Variants in UBAP1 observed in about 807,000 individuals in gnomAD.
UBAP1 encodes ubiquitin-associated protein 1.
Under a neutral mutation model 39.0 loss-of-function variants are expected in UBAP1, and 5 were observed. That is an observed-to-expected ratio of 0.13 (90% CI 0.07 to 0.27). The LOEUF (loss-of-function observed/expected upper bound fraction) is 0.27, where lower values mean the gene tolerates loss of function less well. Among genes scored for constraint, UBAP1 ranks in the 10% least tolerant of loss-of-function variants. The pLI is 1.00. For synonymous variants in UBAP1, 211 were observed against 225.1 expected, an observed-to-expected ratio of 0.94 and a Z score of 0.56; for missense variants, 490 against 608.1, an observed-to-expected ratio of 0.81 and a Z score of 2.04.
intron 3 of UBAP1, among the ~76,000 whole-genome samples, chr9:34,236,170 C>A (rs1833693403): frequency 6.6e-6 from 1 of 151,974 alleles, no homozygotes; most frequent in South Asian, 2.1e-4. Flanking sequence ...TATTTTTAAT[C>A]TTTTATACCA....
intron 1 of UBAP1, among the ~76,000 whole-genome samples, chr9:34,190,142 A>G (rs896898001): frequency 6.6e-6 from 1 of 152,234 alleles, no homozygotes; most frequent in Non-Finnish European, 1.5e-5. Context: ...AAGTTTACCT[A>G]TGTAACAAAC....
chr9:34,249,818 A>G lies in UBAP1; in HGVS notation c.1123A>G (p.Met375Val), dbSNP rs751901708. The change falls in exon 5 of 7, where the codon ATG becomes GTG. Residue 375 changes from methionine to valine, a missense_variant. Met to Val is a conservative substitution (Grantham distance 21, BLOSUM62 1). Coordinates refer to ENST00000297661, the MANE Select transcript of UBAP1 (RefSeq NM_016525.5). ...PNFSVSQVPN[M>V]PSCPQAYSEL... ...TTTCTCAGTGTCACAAGTGCCCAAC[A>G]TGCCCAGCTGTCCCCAGGCCTATTC... 13 of 1,614,160 alleles carry G rather than the reference A, an allele frequency of 8.1e-6. No individual in the cohort carries two copies. The highest frequency in any genetic ancestry group is 1.6e-4 in the Middle Eastern group (1 of 6,062).
At chr9:34,207,172 C>T in intron 1 of UBAP1, among the ~76,000 whole-genome samples, 1 of 149,696 alleles carries the variant, frequency 6.7e-6, no homozygotes, top group Non-Finnish European at 1.5e-5. Context: ...CTGCCTCAGC[C>T]TCTGGAGTGG....
In UBAP1 at chr9:34,230,872, A is replaced by G. The variant is rs76130052; in HGVS notation, c.35-3344A>G. On this transcript the variant is annotated intron_variant, in intron 2 of 6. Coordinates refer to ENST00000297661, the MANE Select transcript of UBAP1 (RefSeq NM_016525.5). The stretch of plus-strand genomic sequence containing the variant: ...GTCATTTTTGGGCAAATAATTTTCA[A>G]TTTTCATATTAAATATAAGTTGGAA... 3.0e-3 allele frequency among the ~76,000 whole-genome samples: 458 copies of G among 152,100 alleles called. 3 individuals are homozygous for G. The highest frequency in any genetic ancestry group is 5.1e-3 in the Non-Finnish European group (350 of 67,994).
intron 1 of UBAP1, among the ~76,000 whole-genome samples, chr9:34,182,818 C>T (rs1447502894): frequency 6.6e-6 from 1 of 151,946 alleles, no homozygotes; most frequent in Admixed American, 6.6e-5. Context: ...TCACGCCATT[C>T]TCCTGCCTCA....
At chr9:34,218,250 CAAAA>C (rs758443973) in intron 1 of UBAP1, among the ~76,000 whole-genome samples, 2 of 49,518 alleles carry the variant, frequency 4.0e-5, no homozygotes, top group Non-Finnish European at 6.9e-5. Flanking sequence ...GACTCCATCT[CAAAA>C]AAAAAAAAAA....
At chr9:34,237,862 C>G (rs1452859725) in intron 3 of UBAP1, among the ~76,000 whole-genome samples, 2 of 152,178 alleles carry the variant, frequency 1.3e-5, no homozygotes, top group Non-Finnish European at 1.5e-5. Context: ...GCCACCATGC[C>G]CGGCCAAAAT....
chr9:34,192,379 G>C (rs1215987188), intron 1 of UBAP1, among the ~76,000 whole-genome samples: 1 of 151,840 alleles, frequency 6.6e-6, no homozygotes, highest in Non-Finnish European at 1.5e-5. Context: ...GCCGGGTATG[G>C]TGGCGCACGC....
chr9:34,239,185 C>T (rs868587094), intron 3 of UBAP1, among the ~76,000 whole-genome samples: 5 of 152,194 alleles, frequency 3.3e-5, no homozygotes, highest in South Asian at 4.1e-4. Context: ...GCTGGGACTA[C>T]GGCATGTGCC....
In UBAP1 at chr9:34,241,430, C is replaced by T. The variant is rs757122178; in HGVS notation, c.405C>T (p.Val135=). 1 of 1,595,968 alleles carries T rather than the reference C, an allele frequency of 6.3e-7. No homozygotes were observed. Among genetic ancestry groups the T allele is most frequent in the South Asian group, 1.2e-5 (1 of 86,948 alleles). The change falls in exon 4 of 7, where the codon GTC becomes GTT. Residue 135 remains valine (V), a synonymous_variant. Coordinates refer to ENST00000297661, the MANE Select transcript of UBAP1 (RefSeq NM_016525.5). Reference sequence around the variant, plus strand: ...ACAGCATCCTCACACCAACTCGGGTCAGCAGTAGTGCCACGAAACAGAAAG... The same window carrying T: ...ACAGCATCCTCACACCAACTCGGGTTAGCAGTAGTGCCACGAAACAGAAAG... ...QHNSILTPTR[V]SSSATKQKVL...
chr9:34,199,137 G>A (rs1336149866), intron 1 of UBAP1, among the ~76,000 whole-genome samples: 1 of 152,074 alleles, frequency 6.6e-6, no homozygotes, highest in Non-Finnish European at 1.5e-5. Context: ...GCAGTGATGC[G>A]ATTTCGGCTC....
intron 1 of UBAP1, among the ~76,000 whole-genome samples, chr9:34,181,474 C>G (rs1830028604): frequency 6.7e-6 from 1 of 150,108 alleles, no homozygotes; most frequent in Non-Finnish European, 1.5e-5. Flanking sequence ...CCTCTGTCGC[C>G]CAGGCTGGAG....
At chr9:34,240,438 TTGGGG>T (rs1184977875) in intron 3 of UBAP1, among the ~76,000 whole-genome samples, 1 of 152,198 alleles carries the variant, frequency 6.6e-6, no homozygotes, top group Non-Finnish European at 1.5e-5. Context: ...CTCTAGTGCT[TTGGGG>T]TGAAAGCCAA....
At chr9:34,237,023 T>C (rs906449709) in intron 3 of UBAP1, among the ~76,000 whole-genome samples, 1 of 152,118 alleles carries the variant, frequency 6.6e-6, no homozygotes, top group Non-Finnish European at 1.5e-5. Context: ...TTTTTCTCAC[T>C]ATACTGAAAA....
intron 1 of UBAP1, among the ~76,000 whole-genome samples, chr9:34,183,011 C>T (rs759559130): frequency 2.0e-5 from 3 of 151,894 alleles, no homozygotes; most frequent in Non-Finnish European, 4.4e-5. Context: ...ATTTCCTGAC[C>T]TCTTGATCCG....
At chr9:34,250,579 C>A in intron 5 of UBAP1, 79 bp from the exon 6 acceptor site, 1 of 1,167,928 alleles carries the variant, frequency 8.6e-7, no homozygotes, top group African/African-American at 1.5e-5. Context: ...ACGGACTTCA[C>A]ACACTAGTTT....
chr9:34,202,433 G>T (rs1260555880), intron 1 of UBAP1, among the ~76,000 whole-genome samples: 1 of 152,030 alleles, frequency 6.6e-6, no homozygotes, highest in Non-Finnish European at 1.5e-5. Context: ...TGCCCTGCCT[G>T]TGAGAGGGGC....
chr9:34,249,405 A>T (rs1404629485), intron 4 of UBAP1, among the ~76,000 whole-genome samples: 3 of 152,154 alleles, frequency 2.0e-5, no homozygotes, highest in Non-Finnish European at 2.9e-5. Context: ...GCTGGAGAGA[A>T]ATCGCAGCCA....
chr9:34,209,777 T>C (rs1360505517), intron 1 of UBAP1, among the ~76,000 whole-genome samples: 4 of 152,158 alleles, frequency 2.6e-5, no homozygotes, highest in African/African-American at 2.4e-5. Flanking sequence ...AATCCTCTTA[T>C]AGGTGCTTGT....
Sources: allele counts gnomAD v4.1 joint callset (sites outside exome capture counted in the v4.1 genomes callset), GRCh38; gene constraint gnomAD v4.1.1; transcripts MANE v1.5; gene names NCBI Gene and HGNC (gene_info 2026-07-23, HGNC 2026-07-21).